The following ITFG1 variants were observed in gnomAD, a reference collection of about 807,000 sequenced individuals.
The protein encoded by ITFG1 is integrin alpha FG-GAP repeat containing 1.
ITFG1 carries 34 observed loss-of-function variants against 81.8 expected under a neutral mutation model. That is an observed-to-expected ratio of 0.42 (90% CI 0.32 to 0.55). ITFG1 has a LOEUF of 0.55. ITFG1 is among the 20% of genes least tolerant of loss of function. The pLI is 0.17. For missense variants in ITFG1, 672 were observed against 755.4 expected (o/e 0.89, Z 1.29); for synonymous variants, 285 against 270.6 (o/e 1.05, Z -0.52).
At chr16:47,258,815 T>C (rs1966171178) in intron 11 of ITFG1, 75 bp from the exon 12 acceptor site, 1 of 596,130 alleles carries the variant, frequency 1.7e-6, no homozygotes, top group East Asian at 3.1e-5. Flanking sequence ...TTAAAATGCA[T>C]GGCATATTGT....
chr16:47,442,154 C>T (rs1391831439), intron 5 of ITFG1, among the ~76,000 whole-genome samples: 2 of 152,164 alleles, frequency 1.3e-5, no homozygotes, highest in Non-Finnish European at 2.9e-5. Context: ...AGGAGAACTA[C>T]AAACCACTGC....
intron 8 of ITFG1, among the ~76,000 whole-genome samples, chr16:47,328,177 T>C (rs973498006): frequency 6.6e-6 from 1 of 152,134 alleles, no homozygotes; most frequent in East Asian, 1.9e-4. Context: ...TGTAGGGACA[T>C]GGATGAAGCT....
chr16:47,364,797 A>C (rs1968153798), intron 8 of ITFG1, among the ~76,000 whole-genome samples: 1 of 152,234 alleles, frequency 6.6e-6, no homozygotes, highest in Non-Finnish European at 1.5e-5. Flanking sequence ...GACTTGATTT[A>C]GTCAGCTGCA....
chr16:47,456,496 G>T (rs1376924505), intron 2 of ITFG1, among the ~76,000 whole-genome samples: 1 of 151,930 alleles, frequency 6.6e-6, no homozygotes, highest in African/African-American at 2.4e-5. Context: ...TTTGACACCA[G>T]CCCGGGCAAC....
chr16:47,323,144 C>A (rs1225662319), intron 8 of ITFG1, among the ~76,000 whole-genome samples: 2 of 151,942 alleles, frequency 1.3e-5, no homozygotes, highest in Admixed American at 1.3e-4. Context: ...AATTTAATGC[C>A]TAATGAGGCA....
chr16:47,348,401 T>C (rs1380489126), intron 8 of ITFG1, among the ~76,000 whole-genome samples: 1 of 152,156 alleles, frequency 6.6e-6, no homozygotes, highest in Non-Finnish European at 1.5e-5. Flanking sequence ...GCACAAGAAC[T>C]ACGTGACAAA....
intron 13 of ITFG1, among the ~76,000 whole-genome samples, chr16:47,221,348 G>T (rs1001416070): frequency 3.0e-4 from 45 of 152,114 alleles, no homozygotes; most frequent in African/African-American, 1.1e-3. Flanking sequence ...TAATCATGTG[G>T]TTTTTGTCTT....
chr16:47,353,158 A>G (rs1293197047), intron 8 of ITFG1, among the ~76,000 whole-genome samples: 1 of 152,166 alleles, frequency 6.6e-6, no homozygotes, highest in African/African-American at 2.4e-5. Flanking sequence ...ATGTAGACAT[A>G]TGTAACAAAC....
chr16:47,156,927 G>C (rs1964719616), intron 17 of ITFG1, among the ~76,000 whole-genome samples: 1 of 152,174 alleles, frequency 6.6e-6, no homozygotes, highest in Non-Finnish European at 1.5e-5. Context: ...AGGCTAAACA[G>C]AATGAATCAC....
intron 13 of ITFG1, among the ~76,000 whole-genome samples, chr16:47,222,650 T>C (rs926006799): frequency 6.6e-6 from 1 of 152,188 alleles, no homozygotes; most frequent in Non-Finnish European, 1.5e-5. Context: ...CCTGACCTCG[T>C]GATCCGCCTG....
At chr16:47,260,420 T>C in intron 11 of ITFG1, 125 bp downstream of exon 11, 2 of 974,066 alleles carry the variant, frequency 2.1e-6, no homozygotes, top group Non-Finnish European at 3.1e-6. Flanking sequence ...AAAGGGGCTT[T>C]CCTTAATTAA....
At chr16:47,313,878 T>C (rs939377717) in intron 8 of ITFG1, 55 bp from the exon 9 acceptor site, 6 of 956,712 alleles carry the variant, frequency 6.3e-6, no homozygotes, top group South Asian at 1.6e-5. Flanking sequence ...AGTGTTCTTG[T>C]ATGGTATATT....
intron 6 of ITFG1, among the ~76,000 whole-genome samples, chr16:47,385,549 T>C (rs1968450888): frequency 6.6e-6 from 1 of 152,242 alleles, no homozygotes; most frequent in South Asian, 2.1e-4. Context: ...TTAAAAATAT[T>C]AAGGCTTCCT....
At chr16:47,162,487 A>G in intron 15 of ITFG1, 53 bp downstream of exon 15, 1 of 1,350,084 alleles carries the variant, frequency 7.4e-7, no homozygotes, top group Non-Finnish European at 1.0e-6. Context: ...AAATACTTAA[A>G]TAGTGAATAT....
intron 8 of ITFG1, among the ~76,000 whole-genome samples, chr16:47,337,741 G>A (rs897343314): frequency 9.2e-5 from 14 of 152,218 alleles, no homozygotes; most frequent in African/African-American, 3.1e-4. Context: ...AGATGCAGTG[G>A]GGGAGGGTTG....
intron 6 of ITFG1, among the ~76,000 whole-genome samples, chr16:47,406,364 G>T (rs1332945605): frequency 6.6e-6 from 1 of 152,158 alleles, no homozygotes; most frequent in East Asian, 1.9e-4. Flanking sequence ...ATCTTCTGGG[G>T]TTTTTAAAAG....
At chr16:47,321,413 A>G (rs1050330951) in intron 8 of ITFG1, among the ~76,000 whole-genome samples, 1 of 152,240 alleles carries the variant, frequency 6.6e-6, no homozygotes, top group African/African-American at 2.4e-5. Context: ...TTATTAATAT[A>G]AAGCTAGAAA....
At chr16:47,220,769 T>C (rs1965680974) in intron 13 of ITFG1, among the ~76,000 whole-genome samples, 1 of 152,106 alleles carries the variant, frequency 6.6e-6, no homozygotes, top group African/African-American at 2.4e-5. Flanking sequence ...TAGACCAATA[T>C]ATTTTAGTGT....
intron 8 of ITFG1, among the ~76,000 whole-genome samples, chr16:47,328,345 T>C (rs987519258): frequency 2.0e-5 from 3 of 152,160 alleles, no homozygotes; most frequent in Non-Finnish European, 2.9e-5. Flanking sequence ...GCGGGAGCGA[T>C]AGCATTAGGA....
Sources: gnomAD v4.1 joint callset for allele counts (sites outside exome capture counted in the v4.1 genomes callset) on GRCh38, gnomAD v4.1.1 for gene constraint, MANE v1.5 for transcripts, NCBI Gene and HGNC (gene_info 2026-07-23, HGNC 2026-07-21) for gene names.